Variants in SLC35D2 observed in about 807,000 individuals in gnomAD.
The protein encoded by SLC35D2 is solute carrier family 35 member D2.
SLC35D2 carries 43 observed loss-of-function variants against 41.8 expected under a neutral mutation model. That is an observed-to-expected ratio of 1.03 (90% CI 0.81 to 1.33). The LOEUF (loss-of-function observed/expected upper bound fraction) is 1.33. Ranked by LOEUF, SLC35D2 falls within the 40% of genes most tolerant of loss-of-function variation. SLC35D2 has a pLI of 0.00. For synonymous variants in SLC35D2, 150 were observed against 163.9 expected (o/e 0.92, Z 0.65); for missense variants, 380 against 408.4 (o/e 0.93, Z 0.60).
downstream of SLC35D2, among the ~76,000 whole-genome samples, chr9:96,317,910 A>G (rs1828095635): frequency 6.9e-6 from 1 of 145,894 alleles, no homozygotes; most frequent in Admixed American, 7.0e-5. Flanking sequence ...GCGTACGCCT[A>G]TGATCCCAGC....
At chr9:96,351,212 A>G (rs781038355) in intron 5 of SLC35D2, 41 bp from the exon 6 acceptor site, 5 of 1,332,912 alleles carry the variant, frequency 3.8e-6, no homozygotes, top group African/African-American at 2.9e-5. Context: ...GGGAGCAGAG[A>G]GGAAAACATT....
intron 9 of SLC35D2, among the ~76,000 whole-genome samples, chr9:96,324,810 C>T (rs950718220): frequency 6.6e-6 from 1 of 151,934 alleles, no homozygotes; most frequent in Admixed American, 6.6e-5. Flanking sequence ...CCGCCTTGGC[C>T]TCCCAAAGTG....
intron 4 of SLC35D2, among the ~76,000 whole-genome samples, chr9:96,352,804 G>A (rs918834732): frequency 2.6e-5 from 4 of 152,142 alleles, no homozygotes; most frequent in East Asian, 1.9e-4. Context: ...TTGGGAGGCC[G>A]AGGTGGGCAG....
At position 96,344,003 on chromosome 9, in the gene SLC35D2, A is replaced by C. The variant is rs200808171; in HGVS notation, c.592-7T>G. ...CTCCGTATTTCCCTAGCTCCTGCAA[A>C]AACAAAAATGTAAAAACCACTCAGT... On this transcript the variant is annotated splice_polypyrimidine_tract_variant and splice_region_variant and intron_variant, in intron 7 of 11. Coordinates refer to ENST00000253270, the MANE Select transcript of SLC35D2 (RefSeq NM_007001.3). 6.4e-7 allele frequency: 1 copy of C among 1,574,342 alleles called. No individual in the cohort carries two copies. The highest frequency in any genetic ancestry group is 2.3e-5 in the East Asian group (1 of 42,640).
chr9:96,357,051 G>T (rs1830056313), intron 4 of SLC35D2, among the ~76,000 whole-genome samples: 1 of 152,086 alleles, frequency 6.6e-6, no homozygotes, highest in Non-Finnish European at 1.5e-5. Context: ...GGTAGTACAT[G>T]CCTATAATCC....
chr9:96,358,823 T>A (rs1167310777), intron 4 of SLC35D2, among the ~76,000 whole-genome samples: 1 of 151,762 alleles, frequency 6.6e-6, no homozygotes, highest in Non-Finnish European at 1.5e-5. Flanking sequence ...ACCCCGTCGT[T>A]ACTAAAAATA....
rs57775451 is a variant in SLC35D2, at chr9:96,324,549, C to CTTTTT, written c.753-385_753-381dup. 5.1e-5 allele frequency among the ~76,000 whole-genome samples: 6 copies of CTTTTT among 117,762 alleles called. No homozygotes were observed. In the South Asian group the frequency reaches 1.3e-3, roughly 25 times the overall value. The allele number at this position is 117,762 out of a possible 152,430, so 77.3% of individuals were successfully genotyped here. ...CTGTGCCTCAGAATCGCCTGCTGCA[C>CTTTTT]TTTTTTTTTTTTTTTTTGGTGGGGA... On this transcript the variant is annotated intron_variant, in intron 9 of 11. Transcript: ENST00000253270.
Position 96,360,181 on chromosome 9 carries a change from C to T in SLC35D2, c.320G>A (p.Ser107Asn), listed in dbSNP as rs1284586210. Residue 107 changes from serine (S) to asparagine (N), a missense_variant, in exon 4 of 12, where the codon AGT becomes AAT. By Grantham distance (46) the Ser-to-Asn change is conservative (BLOSUM62 1). Coordinates refer to ENST00000253270, the MANE Select transcript of SLC35D2 (RefSeq NM_007001.3). ...LPLLYVGNHISGLSSTSKLSL... is the reference protein window; with the variant it reads ...LPLLYVGNHINGLSSTSKLSL... Reference sequence around the variant, plus strand: ...TAATTTACTTGTGCTTGATAATCCACTTATGTGGTTTCCAACGTAGAGGAG... The same window carrying T: ...TAATTTACTTGTGCTTGATAATCCATTTATGTGGTTTCCAACGTAGAGGAG... The T allele has an allele frequency of 1.9e-6, 3 of 1,612,920 alleles. No homozygotes were observed. Among genetic ancestry groups the T allele is most frequent in the Admixed American group, 1.7e-5 (1 of 59,924 alleles).
chr9:96,322,717 G>GT (rs57493593), intron 10 of SLC35D2, among the ~76,000 whole-genome samples: 2,093 of 111,384 alleles, frequency 0.019, 88 homozygotes, highest in African/African-American at 0.027. Flanking sequence ...GTTTTCTGGG[G>GT]TTTTTTTTTT....
chr9:96,357,550 C>T lies in SLC35D2; in HGVS notation c.347+2604G>A, dbSNP rs1830077695. 6 of 152,100 alleles carry T rather than the reference C, an allele frequency of 3.9e-5. No individual in the cohort carries two copies. In the South Asian group the frequency reaches 1.2e-3, roughly 32 times the overall value. 9.4% of individuals were successfully genotyped at this position (152,100 alleles called of 1,614,324 possible). ...ACACAGCAACATTGAAAGACCCCATCACTTAAAAGAAAAAAATTTTTAATT... is the reference window on the plus strand; with the variant it reads ...ACACAGCAACATTGAAAGACCCCATTACTTAAAAGAAAAAAATTTTTAATT... On this transcript the variant is annotated intron_variant, in intron 4 of 11. Transcript: ENST00000253270.
intron 4 of SLC35D2, among the ~76,000 whole-genome samples, chr9:96,359,311 A>G (rs1455544491): frequency 2.0e-5 from 3 of 152,040 alleles, no homozygotes; most frequent in African/African-American, 7.2e-5. Flanking sequence ...CCGTCTCAAA[A>G]AAAAAAAAAA....
chr9:96,343,043 G>T (rs1829406694), intron 8 of SLC35D2, among the ~76,000 whole-genome samples: 1 of 152,226 alleles, frequency 6.6e-6, no homozygotes, highest in Non-Finnish European at 1.5e-5. Context: ...TCCCGCTGAG[G>T]AGGGTTTTGC....
chr9:96,317,029 T>G (rs541432134), downstream of SLC35D2, among the ~76,000 whole-genome samples: 1 of 151,160 alleles, frequency 6.6e-6, no homozygotes, highest in Non-Finnish European at 1.5e-5. Context: ...TCCCAGCTAC[T>G]GGGGAGGCTG....
At chr9:96,319,368 T>C (rs1460327109), downstream of SLC35D2, among the ~76,000 whole-genome samples, 1 of 152,140 alleles carries the variant, frequency 6.6e-6, no homozygotes, top group Non-Finnish European at 1.5e-5. Flanking sequence ...TCTTGTTTCA[T>C]GGGTACAGAG....
intron 4 of SLC35D2, among the ~76,000 whole-genome samples, chr9:96,358,319 C>T (rs1587700209): frequency 1.3e-5 from 2 of 151,648 alleles, no homozygotes; most frequent in Middle Eastern, 6.8e-3. Flanking sequence ...TGGAAGATAG[C>T]ATTTGGGTAA....
At chr9:96,324,068 C>G in intron 10 of SLC35D2, 23 bp downstream of exon 10, 4 of 1,595,312 alleles carry the variant, frequency 2.5e-6, no homozygotes, top group Non-Finnish European at 3.4e-6. Context: ...CAGTTGTTCC[C>G]TTCCAAGTTT....
At chr9:96,336,431 C>T (rs920983830) in intron 9 of SLC35D2, among the ~76,000 whole-genome samples, 4 of 152,172 alleles carry the variant, frequency 2.6e-5, no homozygotes, top group Non-Finnish European at 5.9e-5. Context: ...CAGCTGACTT[C>T]ATTTCAGACA....
chr9:96,345,869 G>A lies in SLC35D2; in HGVS notation c.489-468C>T, dbSNP rs529536755. Among the ~76,000 whole-genome samples the A allele has an allele frequency of 7.9e-5, 12 of 152,296 alleles. No homozygotes were observed. The South Asian group carries it at 1.4e-3, about 18-fold the overall frequency. On this transcript the variant is annotated intron_variant, in intron 6 of 11. Coordinates refer to ENST00000253270, the MANE Select transcript of SLC35D2 (RefSeq NM_007001.3). ...CCATCTGGTGCCCAAACCGCACCCC[G>A]TCCATCAAAATGGCAAGGCAGGTAT...
At position 96,320,929 on chromosome 9, in the gene SLC35D2, C is replaced by T. The variant is rs1435787689; in HGVS notation, c.*313G>A. ...GTCACCATTACATCAACCTCCTCCC[C>T]AGCACACAGCACAGAGATGCCACGA... On this transcript the variant is annotated 3_prime_UTR_variant, in exon 12 of 12. Transcript: ENST00000253270. 3 of 223,564 alleles carry T rather than the reference C, an allele frequency of 1.3e-5. No homozygotes were observed. The highest frequency in any genetic ancestry group is 1.1e-4 in the East Asian group (1 of 9,064). 13.8% of individuals were successfully genotyped at this position (223,564 alleles called of 1,614,324 possible).
Sources: gnomAD v4.1 joint callset for allele counts (sites outside exome capture counted in the v4.1 genomes callset) on GRCh38, gnomAD v4.1.1 for gene constraint, MANE v1.5 for transcripts, NCBI Gene and HGNC (gene_info 2026-07-23, HGNC 2026-07-21) for gene names.